The following DRG1 variants were observed in gnomAD, a reference collection of about 807,000 sequenced individuals.
DRG1 encodes the protein developmentally-regulated GTP-binding protein 1.
A neutral mutation model predicts 38.8 loss-of-function variants in DRG1; 19 were observed. That is an observed-to-expected ratio of 0.49 (90% confidence interval 0.34 to 0.72). DRG1 has a LOEUF of 0.72. DRG1 is among the 30% of genes least tolerant of loss of function. The pLI is 0.01. For missense variants in DRG1, 299 were observed against 444.8 expected (o/e 0.67, Z 2.95); for synonymous variants, 167 against 157.5 (o/e 1.06, Z -0.45).
rs760867674 is a variant in DRG1 at position 31,427,192 on chromosome 22, A to C, written c.1004+10A>C. 6 of 1,613,428 alleles carry C rather than the reference A, an allele frequency of 3.7e-6. No individual in the cohort carries two copies. The Admixed American group carries it at 1.0e-4, about 27-fold the overall frequency. Reference sequence around the variant, plus strand: ...TCAAAGAATTTAAATAGTAAGTATCATGGGCCTGTGGTCCCTCCTTTTTCC... The same window carrying C: ...TCAAAGAATTTAAATAGTAAGTATCCTGGGCCTGTGGTCCCTCCTTTTTCC... On this transcript the variant is annotated intron_variant, in intron 8 of 8. Transcript: ENST00000331457.
chr22:31,403,310 GCACT>G, intron 3 of DRG1, 106 bp downstream of exon 3: 20 of 1,208,422 alleles, frequency 1.7e-5, no homozygotes, highest in Non-Finnish European at 1.9e-5. Context: ...GATCTACCAG[GCACT>G]TACTACCTGG....
At chr22:31,410,690 CTG>C (rs1453474752) in intron 3 of DRG1, among the ~76,000 whole-genome samples, 1 of 152,046 alleles carries the variant, frequency 6.6e-6, no homozygotes, top group Non-Finnish European at 1.5e-5. Context: ...TGGCAGGTAT[CTG>C]TAATCCCAGC....
intron 3 of DRG1, among the ~76,000 whole-genome samples, chr22:31,407,467 C>G (rs1177310500): frequency 6.6e-6 from 1 of 152,024 alleles, no homozygotes; most frequent in Non-Finnish European, 1.5e-5. Context: ...TTCCAAGTAG[C>G]TGGGACTATA....
At chr22:31,410,576 G>T (rs1009281152) in intron 3 of DRG1, among the ~76,000 whole-genome samples, 3 of 151,912 alleles carry the variant, frequency 2.0e-5, no homozygotes, top group Non-Finnish European at 4.4e-5. Context: ...CACTTTGGGA[G>T]GCTGATGCCG....
Position 31,399,626 on chromosome 22 carries a change from A to C in DRG1, c.-58A>C, listed in dbSNP as rs750836357. 5.0e-6 allele frequency: 8 copies of C among 1,611,204 alleles called. No homozygotes were observed. In the African/African-American group the frequency reaches 5.3e-5, roughly 11 times the overall value. Reference sequence around the variant, plus strand: ...TGCAGTAGCGCCTGGTGGCGGTGGCAGTTTGCCCGCGGGTGTGTGAAGGGA... The same window carrying C: ...TGCAGTAGCGCCTGGTGGCGGTGGCCGTTTGCCCGCGGGTGTGTGAAGGGA... On this transcript the variant is annotated 5_prime_UTR_variant, in exon 1 of 9. Coordinates refer to ENST00000331457, the MANE Select transcript of DRG1 (RefSeq NM_004147.4).
At chr22:31,426,859 T>C (rs2050114092) in intron 7 of DRG1, 77 bp downstream of exon 7, 43 of 1,545,206 alleles carry the variant, frequency 2.8e-5, no homozygotes, top group Non-Finnish European at 3.6e-5. Flanking sequence ...CTGGAGCTCA[T>C]TAACAAAATC....
In DRG1 at chr22:31,400,718, T is replaced by G. The variant is rs1167077233; in HGVS notation, c.141T>G (p.Gly47=). Residue 47 remains glycine (G), a synonymous_variant, in exon 2 of 9, where the codon GGT becomes GGG. Transcript: ENST00000331457. The part of the protein sequence containing the change: ...KLRRELITPK[G]GGGGGPGEGF... ...GTCGAGAACTCATTACTCCAAAGGG[T>G]GGTGGTGGTGGAGGTCCAGGAGAAG... The G allele has an allele frequency of 3.7e-6, 6 of 1,610,008 alleles. No individual in the cohort carries two copies. Among genetic ancestry groups the G allele is most frequent in the East Asian group, 4.5e-5 (2 of 44,672 alleles).
intron 5 of DRG1, among the ~76,000 whole-genome samples, chr22:31,423,055 T>C (rs1762984072): frequency 6.6e-6 from 1 of 152,282 alleles, no homozygotes; most frequent in South Asian, 2.1e-4. Context: ...TAAGACTTCA[T>C]GTGAATTATT....
chr22:31,400,399 C>T (rs1417626711), intron 1 of DRG1, among the ~76,000 whole-genome samples: 1 of 152,016 alleles, frequency 6.6e-6, no homozygotes, highest in Non-Finnish European at 1.5e-5. Context: ...AGTCTGGGGG[C>T]ACTAATTGGA....
At chr22:31,418,327 C>T (rs1359117202) in intron 4 of DRG1, among the ~76,000 whole-genome samples, 1 of 151,916 alleles carries the variant, frequency 6.6e-6, no homozygotes, top group Admixed American at 6.6e-5. Context: ...TGACATGGCA[C>T]ACATGTGTAG....
intron 3 of DRG1, among the ~76,000 whole-genome samples, chr22:31,408,894 G>A (rs921275041): frequency 6.6e-6 from 1 of 151,152 alleles, no homozygotes; most frequent in Admixed American, 6.6e-5. Context: ...TGTTTTAACT[G>A]TTTTGACTGA....
chr22:31,433,566 C>T lies in DRG1; in HGVS notation c.1005-306C>T, dbSNP rs140870334. The stretch of plus-strand genomic sequence containing the variant: ...GATTACAGGCATGAGCCCCTGCGCC[C>T]GGCCCAGAGTATTTCTCTATAACAA... On this transcript the variant is annotated intron_variant, in intron 8 of 8. Transcript: ENST00000331457. 3.6e-3 allele frequency among the ~76,000 whole-genome samples: 554 copies of T among 152,282 alleles called. 3 individuals are homozygous for T. Among genetic ancestry groups the T allele is most frequent in the African/African-American group, 0.012 (489 of 41,562 alleles).
At chr22:31,416,545 A>C (rs1245283776) in intron 4 of DRG1, among the ~76,000 whole-genome samples, 1 of 152,064 alleles carries the variant, frequency 6.6e-6, no homozygotes, top group Non-Finnish European at 1.5e-5. Context: ...ACCTGAGGTC[A>C]GGAGTTCAAG....
At chr22:31,426,130 G>C (rs2050108977) in intron 6 of DRG1, among the ~76,000 whole-genome samples, 1 of 152,180 alleles carries the variant, frequency 6.6e-6, no homozygotes, top group Non-Finnish European at 1.5e-5. Flanking sequence ...CAGAGGTTAA[G>C]TGACTTTCCT....
chr22:31,426,966 C>G (rs1178026765), intron 7 of DRG1, 94 bp from the exon 8 acceptor site: 1 of 1,563,608 alleles, frequency 6.4e-7, no homozygotes, highest in Non-Finnish European at 8.7e-7. Context: ...GGAGGTTGTC[C>G]TGGTCTGATG....
intron 6 of DRG1, among the ~76,000 whole-genome samples, chr22:31,425,142 G>C (rs2050102720): frequency 6.6e-6 from 1 of 151,952 alleles, no homozygotes. Context: ...TTTTATTTCT[G>C]ACATCCTTCC....
At chr22:31,424,185 G>A (rs1296258414) in intron 6 of DRG1, among the ~76,000 whole-genome samples, 1 of 150,892 alleles carries the variant, frequency 6.6e-6, no homozygotes, top group East Asian at 2.0e-4. Flanking sequence ...GTCTTACTCT[G>A]TCACCCAGGC....
In DRG1 at chr22:31,400,665, C is replaced by G. The variant is rs780662937; in HGVS notation, c.88C>G (p.Leu30Val). 1.2e-6 allele frequency: 2 copies of G among 1,613,458 alleles called. No individual in the cohort carries two copies. Among genetic ancestry groups the G allele is most frequent in the Non-Finnish European group, 1.7e-6 (2 of 1,179,636 alleles). Residue 30 changes from leucine (L) to valine (V), a missense_variant, in exon 2 of 9, where the codon CTG becomes GTG. Coordinates refer to ENST00000331457, the MANE Select transcript of DRG1 (RefSeq NM_004147.4). ...CAAGGCCACAGCACACCACTTAGGGCTGCTTAAGGCTCGTCTTGCTAAGCT... is the reference window on the plus strand; with the variant it reads ...CAAGGCCACAGCACACCACTTAGGGGTGCTTAAGGCTCGTCTTGCTAAGCT... ...KNKATAHHLG[L>V]LKARLAKLRR... is the part of the protein sequence containing the mutation.
chr22:31,426,940 CT>C, intron 7 of DRG1, 119 bp from the exon 8 acceptor site: 4 of 1,512,286 alleles, frequency 2.6e-6, no homozygotes, highest in Non-Finnish European at 2.7e-6. Context: ...ATTGAGGACA[CT>C]TTTTCCCTTA....
Sources: allele counts gnomAD v4.1 joint callset (sites outside exome capture counted in the v4.1 genomes callset), GRCh38; gene constraint gnomAD v4.1.1; transcripts MANE v1.5; gene names NCBI Gene and HGNC (gene_info 2026-07-23, HGNC 2026-07-21).